Variants in CLASP1 observed in about 807,000 individuals in gnomAD.
CLASP1 encodes cytoplasmic linker associated protein 1, also known as CLIP-associating protein 1.
CLASP1 carries 38 observed loss-of-function variants against 192.3 expected under a neutral mutation model. The observed-to-expected ratio is 0.20, with a 90% CI of 0.15 to 0.26. The LOEUF is 0.26. Ranked by LOEUF, CLASP1 falls within the 10% of genes least tolerant of loss-of-function variation. The pLI, the probability that CLASP1 is intolerant of heterozygous loss-of-function variation, is 1.00. For synonymous variants in CLASP1, 691 were observed against 712.8 expected (o/e 0.97, Z 0.49); for missense variants, 1,433 against 1,932.5 (o/e 0.74, Z 4.85).
intron 2 of CLASP1, among the ~76,000 whole-genome samples, chr2:121,560,883 T>A (rs1374211672): frequency 1.3e-5 from 2 of 152,196 alleles, no homozygotes; most frequent in African/African-American, 4.8e-5. Flanking sequence ...TACAGGAGCC[T>A]GCCACCACAA....
chr2:121,551,010 G>A (rs1343515870), intron 2 of CLASP1, among the ~76,000 whole-genome samples: 1 of 152,174 alleles, frequency 6.6e-6, no homozygotes, highest in Non-Finnish European at 1.5e-5. Flanking sequence ...ACATCAAAAA[G>A]CTAATTCACT....
Position 121,537,404 on chromosome 2 carries a change from AAAGAGAG to A in CLASP1, c.196-7086_196-7080del, listed in dbSNP as rs2095117931. Among the ~76,000 whole-genome samples the A allele has an allele frequency of 4.6e-5, 7 of 151,862 alleles. No individual in the cohort carries two copies. In the South Asian group the frequency reaches 1.5e-3, roughly 32 times the overall value. On this transcript the variant is annotated intron_variant, in intron 2 of 39. Transcript: ENST00000263710. Reference sequence around the variant, plus strand: ...AAGATCCTGTGTCCAAGAAAAAAAAAAAGAGAGAGAGAGAGAGAGAAGCAATACCTGA... The same window carrying A: ...AAGATCCTGTGTCCAAGAAAAAAAAAAGAGAGAGAGAGAAGCAATACCTGA...
At chr2:121,643,263 T>TA (rs2072494805) in intron 1 of CLASP1, among the ~76,000 whole-genome samples, 1 of 152,192 alleles carries the variant, frequency 6.6e-6, no homozygotes, top group Admixed American at 6.5e-5. Flanking sequence ...TAAAAGCAAG[T>TA]ATATACGCAC....
In CLASP1 at chr2:121,528,611, C is replaced by T. The variant is rs759550146; in HGVS notation, c.378+66G>A. The T allele has an allele frequency of 9.0e-6, 11 of 1,225,168 alleles. No homozygotes were observed. The East Asian group carries it at 2.3e-4, about 26-fold the overall frequency. The allele number at this position is 1,225,168 out of a possible 1,614,324, so 75.9% of individuals were successfully genotyped here. A position where few individuals can be genotyped will look rare whatever the true frequency, so the allele number is the denominator to read the frequency against. On this transcript the variant is annotated intron_variant, in intron 4 of 39. Transcript: ENST00000263710. ...CACACCATTTGTGCAAGTACACACACACACCCTCGCACGTGCATGCACGCG... is the reference window on the plus strand; with the variant it reads ...CACACCATTTGTGCAAGTACACACATACACCCTCGCACGTGCATGCACGCG...
chr2:121,344,955 C>T (rs1275267004), intron 39 of CLASP1, among the ~76,000 whole-genome samples: 1 of 152,096 alleles, frequency 6.6e-6, no homozygotes, highest in African/African-American at 2.4e-5. Context: ...GTCAGGAGTT[C>T]GAGACCAGCC....
intron 36 of CLASP1, 65 bp from the exon 38 acceptor site, chr2:121,363,365 A>G: frequency 1.3e-6 from 2 of 1,592,990 alleles, no homozygotes; most frequent in Non-Finnish European, 1.7e-6. Context: ...CACAGCAGTC[A>G]GCAGGGTCGG....
intron 19 of CLASP1, among the ~76,000 whole-genome samples, chr2:121,437,430 T>C (rs1195747540): frequency 6.6e-6 from 1 of 152,186 alleles, no homozygotes; most frequent in Non-Finnish European, 1.5e-5. Flanking sequence ...TGGAAATTTA[T>C]GGGAATTCTT....
At chr2:121,432,372 G>C (rs1250058555) in intron 19 of CLASP1, among the ~76,000 whole-genome samples, 1 of 152,134 alleles carries the variant, frequency 6.6e-6, no homozygotes, top group African/African-American at 2.4e-5. Flanking sequence ...ACCCGCCCTG[G>C]CCTCCTAAAG....
intron 1 of CLASP1, among the ~76,000 whole-genome samples, chr2:121,631,897 A>T (rs991666338): frequency 6.6e-6 from 1 of 151,906 alleles, no homozygotes; most frequent in Non-Finnish European, 1.5e-5. Flanking sequence ...AAATGCAAAA[A>T]TTAGCTGGGC....
At chr2:121,576,112 A>T (rs2060494305) in intron 2 of CLASP1, among the ~76,000 whole-genome samples, 1 of 152,242 alleles carries the variant, frequency 6.6e-6, no homozygotes, top group South Asian at 2.1e-4. Flanking sequence ...GAAGGGTTAG[A>T]GGTCTTTTCA....
At chr2:121,338,608 G>C (rs371865214) in exon 40 of CLASP1, 1 of 152,288 alleles carries the variant, frequency 6.6e-6, no homozygotes, top group Admixed American at 6.5e-5. Flanking sequence ...AGGTGGTGGC[G>C]GCATGCGAGT....
At chr2:121,515,554 T>C in intron 7 of CLASP1, 111 bp downstream of exon 7, 1 of 836,762 alleles carries the variant, frequency 1.2e-6, no homozygotes, top group Admixed American at 2.5e-5. Flanking sequence ...CTTATATTCT[T>C]TGAATAAAAT....
At chr2:121,561,688 G>A (rs72830814) in intron 2 of CLASP1, among the ~76,000 whole-genome samples, 2,289 of 152,348 alleles carry the variant, frequency 0.015, 40 homozygotes, top group Non-Finnish European at 0.023. Context: ...GGGCTTCTGA[G>A]CCAGGGGTTG....
intron 39 of CLASP1, 140 bp from the exon 41 acceptor site, chr2:121,341,087 G>A (rs1443133389): frequency 1.5e-6 from 1 of 657,662 alleles, no homozygotes; most frequent in Non-Finnish European, 2.7e-6. Context: ...ATAAAAACAT[G>A]TTCTGAGTGC....
intron 34 of CLASP1, among the ~76,000 whole-genome samples, chr2:121,370,340 T>C (rs1282325313): frequency 6.6e-6 from 1 of 152,236 alleles, no homozygotes; most frequent in Non-Finnish European, 1.5e-5. Flanking sequence ...TTCTTTTTTT[T>C]TGAGACAGAG....
chr2:121,478,883 CACACCACACACACACACCACACCACA>C (rs2092211059), intron 8 of CLASP1, among the ~76,000 whole-genome samples: 6 of 96,466 alleles, frequency 6.2e-5, no homozygotes, highest in Admixed American at 2.0e-4. Flanking sequence ...ACACCACACA[CACACCACACACACACACCACACCACA>C]CACACCACAC....
At chr2:121,448,924 T>A in intron 17 of CLASP1, 29 bp downstream of exon 17, 1 of 1,596,296 alleles carries the variant, frequency 6.3e-7, no homozygotes, top group African/African-American at 1.3e-5. Context: ...AATTCTCACA[T>A]GAATGATAAG....
chr2:121,581,754 G>A (rs1483986752), intron 2 of CLASP1, among the ~76,000 whole-genome samples: 3 of 152,134 alleles, frequency 2.0e-5, no homozygotes, highest in Non-Finnish European at 4.4e-5. Context: ...TCAGGGTGGC[G>A]AATGCCTATA....
chr2:121,535,071 A>G (rs1285037870), intron 2 of CLASP1, among the ~76,000 whole-genome samples: 1 of 152,146 alleles, frequency 6.6e-6, no homozygotes, highest in African/African-American at 2.4e-5. Context: ...TTAGCTTAGG[A>G]GTTCAAGACT....
Sources: allele counts gnomAD v4.1 joint callset (sites outside exome capture counted in the v4.1 genomes callset), GRCh38; gene constraint gnomAD v4.1.1; transcripts MANE v1.5; gene names NCBI Gene and HGNC (gene_info 2026-07-23, HGNC 2026-07-21).